INPP4A: variants seen among roughly 807,000 people sequenced by gnomAD.
The protein encoded by INPP4A is inositol polyphosphate-4-phosphatase, type I, 107kD.
In INPP4A, 33 loss-of-function variants were observed where a neutral mutation model predicts 119.8. That is an observed-to-expected ratio of 0.28 (90% CI 0.21 to 0.37). INPP4A has a LOEUF of 0.37. Among genes scored for constraint, INPP4A ranks in the 10% least tolerant of loss-of-function variants. The pLI, the probability that INPP4A is intolerant of heterozygous loss-of-function variation, is 1.00. For missense variants in INPP4A, 956 were observed against 1,289.9 expected, an observed-to-expected ratio of 0.74 and a Z score of 3.97; for synonymous variants, 496 against 500.7, an observed-to-expected ratio of 0.99 and a Z score of 0.12.
In INPP4A at chr2:98,589,566, T is replaced by C. The variant is rs1245894529; in HGVS notation, c.*1958T>C. On this transcript the variant is annotated 3_prime_UTR_variant, in exon 25 of 25. Coordinates refer to ENST00000409851, the MANE Select transcript of INPP4A (RefSeq NM_001134225.2). ...ACCTTTATATGAATTATTTTCCCAA[T>C]TTTTGCTCTATGTAATGGGTCACCA... The C allele has an allele frequency of 5.6e-6, 1 of 179,272 alleles. No individual in the cohort carries two copies. The highest frequency in any genetic ancestry group is 2.4e-5 in the African/African-American group (1 of 42,314). The allele number at this position is 179,272 out of a possible 1,614,324, so 11.1% of individuals were successfully genotyped here.
rs76475487 is a variant in INPP4A at position 98,580,936 on chromosome 2, T to C, written c.2786+3793T>C. ...GTTTGGATTCCACCCTTGGGGATGC[T>C]TTCAGAACCCTAACTTGCAAAGATG... On this transcript the variant is annotated intron_variant, in intron 24 of 24. Coordinates refer to ENST00000409851, the MANE Select transcript of INPP4A (RefSeq NM_001134225.2). Among the ~76,000 whole-genome samples, 111 of 152,366 alleles carry C rather than the reference T, an allele frequency of 7.3e-4. 3 individuals carry two copies. In the East Asian group the frequency reaches 0.01, roughly 14 times the overall value.
chr2:98,536,118 C>G lies in INPP4A; in HGVS notation c.388-11C>G. ...CGCACCAATGCTGCCTCTCTTCCTT[C>G]TCTTCCTCAGATGTATTTACTGGGC... is the stretch of plus-strand genomic sequence containing the variant. On this transcript the variant is annotated splice_polypyrimidine_tract_variant and intron_variant, in intron 6 of 24. Transcript: ENST00000409851. 6.3e-7 allele frequency: 1 copy of G among 1,586,444 alleles called. No individual in the cohort carries two copies. Among genetic ancestry groups the G allele is most frequent in the South Asian group, 1.1e-5 (1 of 90,000 alleles).
intron 16 of INPP4A, 64 bp downstream of exon 16, chr2:98,555,872 C>G: frequency 6.7e-7 from 1 of 1,492,690 alleles, no homozygotes; most frequent in Non-Finnish European, 9.0e-7. Context: ...TTCCATTTGT[C>G]TGTGTCTCTG....
At position 98,520,731 on chromosome 2, in the gene INPP4A, G is replaced by C; in HGVS notation, c.151G>C (p.Ala51Pro). 6.9e-7 allele frequency: 1 copy of C among 1,448,358 alleles called. No homozygotes were observed. The highest frequency in any genetic ancestry group is 9.4e-7 in the Non-Finnish European group (1 of 1,063,262). The allele number at this position is 1,448,358 out of a possible 1,614,324, so 89.7% of individuals were successfully genotyped here. ...TGAGCCCATTTTAGAATTTAGCTTA[G>C]GTAGGTATCTTTCATTATTTTTTTG... ...PDEPILEFSL[A>P]CSELHTPSLD... is the part of the protein sequence containing the mutation. Residue 51 changes from alanine to proline, a missense_variant and splice_region_variant, in exon 4 of 25, where the codon GCT becomes CCT. Transcript: ENST00000409851.
At chr2:98,579,561 C>T (rs1698967955) in intron 24 of INPP4A, among the ~76,000 whole-genome samples, 1 of 152,234 alleles carries the variant, frequency 6.6e-6, no homozygotes, top group African/African-American at 2.4e-5. Context: ...CACTCTCCTG[C>T]CCAGTGTCCC....
chr2:98,560,779 G>A (rs1276792713), intron 17 of INPP4A, among the ~76,000 whole-genome samples: 2 of 152,300 alleles, frequency 1.3e-5, no homozygotes, highest in East Asian at 3.9e-4. Flanking sequence ...CAGCAGTTAG[G>A]GCCAAGAGAG....
chr2:98,568,049 T>C (rs757759820), intron 21 of INPP4A, among the ~76,000 whole-genome samples: 7 of 152,238 alleles, frequency 4.6e-5, no homozygotes, highest in Non-Finnish European at 7.3e-5. Context: ...ATTTGGCACA[T>C]GCTCCTTGTA....
At chr2:98,531,197 A>G (rs1689143667) in intron 4 of INPP4A, among the ~76,000 whole-genome samples, 1 of 152,214 alleles carries the variant, frequency 6.6e-6, no homozygotes, top group South Asian at 2.1e-4. Context: ...AGACCTACTT[A>G]AAGAAACTTT....
chr2:98,572,751 C>A, intron 22 of INPP4A, 64 bp from the exon 23 acceptor site: 2 of 1,168,678 alleles, frequency 1.7e-6, no homozygotes, highest in Non-Finnish European at 1.2e-6. Flanking sequence ...CTTGGGTGGG[C>A]TCCCTCTGCC....
intron 24 of INPP4A, chr2:98,581,768 A>T: frequency 6.2e-7 from 1 of 1,606,194 alleles, no homozygotes; most frequent in Non-Finnish European, 8.5e-7. Context: ...TATCATTATG[A>T]AAAATTAATA....
chr2:98,520,798 A>G (rs1687032318), intron 4 of INPP4A, 67 bp downstream of exon 4: 6 of 862,026 alleles, frequency 7.0e-6, no homozygotes, highest in African/African-American at 1.7e-5. Flanking sequence ...CAAAAACACT[A>G]CCACCAGTGC....
chr2:98,543,806 G>C (rs1691976320), intron 10 of INPP4A, 71 bp from the exon 11 acceptor site: 3 of 1,583,102 alleles, frequency 1.9e-6, no homozygotes, highest in Non-Finnish European at 2.6e-6. Flanking sequence ...TGTTGTCCTG[G>C]GTAGACCTCC....
intron 3 of INPP4A, 99 bp from the exon 4 acceptor site, chr2:98,520,588 T>G: frequency 1.4e-6 from 1 of 737,988 alleles, no homozygotes; most frequent in Non-Finnish European, 2.3e-6. Context: ...GCAGTTTTTG[T>G]TGTTGTTGGG....
rs1698532393 is a variant in INPP4A at position 98,576,998 on chromosome 2, C to T, written c.2641C>T (p.Arg881Cys). The T allele has an allele frequency of 4.3e-6, 7 of 1,611,366 alleles. No homozygotes were observed. The highest frequency in any genetic ancestry group is 3.3e-5 in the Admixed American group (2 of 59,904). ...ATGTTTCTGTTGGCAGATCTGCCGC[C>T]GCCTTAATGGGGTCCGGTTCACCAG... The part of the protein sequence containing the change: ...ILWQAAEICR[R>C]LNGVRFTSCK... The change falls in exon 24 of 25, where the codon CGC (arginine) becomes TGC (cysteine). Residue 881 changes from arginine to cysteine, a missense_variant. By Grantham distance (180) the Arg-to-Cys change is radical. Coordinates refer to ENST00000409851, the MANE Select transcript of INPP4A (RefSeq NM_001134225.2).
intron 24 of INPP4A, among the ~76,000 whole-genome samples, chr2:98,578,661 G>A (rs767048623): frequency 6.6e-6 from 1 of 152,238 alleles, no homozygotes; most frequent in Non-Finnish European, 1.5e-5. Context: ...CTTGGGTTGT[G>A]TGCTCAGGAC....
Position 98,589,250 on chromosome 2 carries a change from T to G in INPP4A, c.*1642T>G, listed in dbSNP as rs1307024748. 5.5e-6 allele frequency: 1 copy of G among 183,108 alleles called. No homozygotes were observed. Among genetic ancestry groups the G allele is most frequent in the Non-Finnish European group, 1.2e-5 (1 of 86,202 alleles). The allele number at this position is 183,108 out of a possible 1,614,324, so 11.3% of individuals were successfully genotyped here. On this transcript the variant is annotated 3_prime_UTR_variant, in exon 25 of 25. Coordinates refer to ENST00000409851, the MANE Select transcript of INPP4A (RefSeq NM_001134225.2). ...CTGCCCGCCAAACCCACTGCACAGG[T>G]GGCTGCTGCTGGTATCAGATTCTCC...
At chr2:98,545,704 T>A (rs1272692820) in intron 11 of INPP4A, among the ~76,000 whole-genome samples, 2 of 152,118 alleles carry the variant, frequency 1.3e-5, no homozygotes, top group Non-Finnish European at 2.9e-5. Flanking sequence ...ATCGTTACCA[T>A]AGCTTTTTGA....
At chr2:98,481,682 T>TACC (rs1175527226) in intron 1 of INPP4A, among the ~76,000 whole-genome samples, 2 of 152,206 alleles carry the variant, frequency 1.3e-5, no homozygotes. Context: ...GCAGGCTTTG[T>TACC]ACCAGGGGAG....
At chr2:98,456,000 C>A (rs540031477) in intron 1 of INPP4A, among the ~76,000 whole-genome samples, 1 of 152,312 alleles carries the variant, frequency 6.6e-6, no homozygotes, top group East Asian at 1.9e-4. Context: ...CCTTTGCAGA[C>A]AGTCCCCCAG....
Sources: gnomAD v4.1 joint callset for allele counts (sites outside exome capture counted in the v4.1 genomes callset) on GRCh38, gnomAD v4.1.1 for gene constraint, MANE v1.5 for transcripts, NCBI Gene and HGNC (gene_info 2026-07-23, HGNC 2026-07-21) for gene names.